The following CHRM3 variants were observed in gnomAD, a reference collection of about 807,000 sequenced individuals.
The protein encoded by CHRM3 is muscarinic acetylcholine receptor M3.
In CHRM3, 11 loss-of-function variants were observed where a neutral mutation model predicts 41.8. The observed-to-expected ratio is 0.26, with a 90% CI of 0.17 to 0.44. CHRM3 has a LOEUF of 0.44. CHRM3 is among the 20% of genes least tolerant of loss of function. CHRM3 has a pLI of 1.00. For missense variants in CHRM3, 571 were observed against 745.4 expected (o/e 0.77, Z 2.72); for synonymous variants, 297 against 301.4 (o/e 0.99, Z 0.15).
At chr1:239,403,700 T>C (rs1660171121) in intron 1 of CHRM3, among the ~76,000 whole-genome samples, 1 of 151,970 alleles carries the variant, frequency 6.6e-6, no homozygotes, top group Non-Finnish European at 1.5e-5. Flanking sequence ...TGAAGGTTTT[T>C]GTAACCACTT....
In CHRM3 at chr1:239,861,001, G is replaced by T. The variant is rs115757637; in HGVS notation, c.-20+33623G>T. ...TAAAAAAATTAAAGACCAAAGAAAT[G>T]TAATCTCCAATACCTTACAAGTCAC... On this transcript the variant is annotated intron_variant, in intron 6 of 6. Coordinates refer to ENST00000676153, the MANE Select transcript of CHRM3 (RefSeq NM_001375978.1). Among the ~76,000 whole-genome samples, 736 of 152,222 alleles carry T rather than the reference G, an allele frequency of 4.8e-3. 6 individuals carry two copies. Among genetic ancestry groups the T allele is most frequent in the African/African-American group, 0.017 (693 of 41,530 alleles).
chr1:239,864,050 T>C (rs1675861876), intron 6 of CHRM3, among the ~76,000 whole-genome samples: 1 of 151,208 alleles, frequency 6.6e-6, no homozygotes, highest in South Asian at 2.1e-4. Flanking sequence ...GAAAAGTATT[T>C]GATAAAATTC....
chr1:239,800,744 C>A (rs1197563909), intron 5 of CHRM3, among the ~76,000 whole-genome samples: 1 of 152,164 alleles, frequency 6.6e-6, no homozygotes, highest in Non-Finnish European at 1.5e-5. Context: ...GTGAGATGAT[C>A]ATAGTTCATT....
In CHRM3 at chr1:239,664,197, C is replaced by A. The variant is rs377114199; in HGVS notation, c.-249-13989C>A. ...CTTTGCCTACAAATATTTACATAGTCCTTTTGAGCATAAAGCGTTATCTTC... is the reference window on the plus strand; with the variant it reads ...CTTTGCCTACAAATATTTACATAGTACTTTTGAGCATAAAGCGTTATCTTC... On this transcript the variant is annotated intron_variant, in intron 4 of 6. Coordinates refer to ENST00000676153, the MANE Select transcript of CHRM3 (RefSeq NM_001375978.1). Among the ~76,000 whole-genome samples, 11 of 152,272 alleles carry A rather than the reference C, an allele frequency of 7.2e-5. 1 individual carries two copies. The South Asian group carries it at 2.3e-3, about 32-fold the overall frequency.
At chr1:239,440,440 TAGTA>T (rs1311418320) in intron 1 of CHRM3, among the ~76,000 whole-genome samples, 1 of 152,124 alleles carries the variant, frequency 6.6e-6, no homozygotes, top group Non-Finnish European at 1.5e-5. Context: ...TTGGGCAACT[TAGTA>T]AGACCCTGCT....
At chr1:239,561,110 A>G (rs1375040717) in intron 3 of CHRM3, among the ~76,000 whole-genome samples, 1 of 152,126 alleles carries the variant, frequency 6.6e-6, no homozygotes, top group Non-Finnish European at 1.5e-5. Flanking sequence ...GGACCAGTGT[A>G]GGTAGTAACC....
Position 239,891,562 on chromosome 1 carries a change from A to C in CHRM3, c.-19-15871A>C, listed in dbSNP as rs891937610. Among the ~76,000 whole-genome samples the C allele has an allele frequency of 7.9e-5, 12 of 152,188 alleles. 1 individual carries two copies. The highest frequency in any genetic ancestry group is 2.0e-4 in the Admixed American group (3 of 15,282). On this transcript the variant is annotated intron_variant, in intron 6 of 6. Transcript: ENST00000676153. ...GAATTTTGCTGAGTAGGGTGGCCTA[A>C]TATACATATTTAATAAGCTATGGGA...
intron 1 of CHRM3, among the ~76,000 whole-genome samples, chr1:239,472,969 A>C (rs1666226709): frequency 6.6e-6 from 1 of 152,220 alleles, no homozygotes; most frequent in Non-Finnish European, 1.5e-5. Context: ...TAACAAAGAA[A>C]GATCAGTAAT....
intron 1 of CHRM3, among the ~76,000 whole-genome samples, chr1:239,391,665 A>T (rs1429867040): frequency 6.6e-6 from 1 of 152,194 alleles, no homozygotes; most frequent in African/African-American, 2.4e-5. Flanking sequence ...AGGGTCCAGT[A>T]GTGATGACAG....
intron 2 of CHRM3, among the ~76,000 whole-genome samples, chr1:239,509,293 A>T (rs1215210796): frequency 2.0e-5 from 3 of 152,144 alleles, no homozygotes; most frequent in Admixed American, 6.5e-5. Context: ...TGTTTTTTTT[A>T]AACTAGTGAG....
At chr1:239,753,950 G>A (rs113559266) in intron 5 of CHRM3, among the ~76,000 whole-genome samples, 5,291 of 152,154 alleles carry the variant, frequency 0.035, 288 homozygotes, top group African/African-American at 0.12. Context: ...GCTCATTTCC[G>A]TTTGATTGTA....
intron 6 of CHRM3, among the ~76,000 whole-genome samples, chr1:239,836,441 AC>A (rs1673325496): frequency 1.3e-5 from 2 of 151,142 alleles, no homozygotes; most frequent in African/African-American, 4.9e-5. Context: ...AATATAAGAA[AC>A]TCTGTGATTA....
chr1:239,657,944 ATTG>A lies in CHRM3; in HGVS notation c.-249-20237_-249-20235del, dbSNP rs1672860593. Among the ~76,000 whole-genome samples, 10 of 152,144 alleles carry A rather than the reference ATTG, an allele frequency of 6.6e-5. No individual in the cohort carries two copies. In the South Asian group the frequency reaches 2.1e-3, roughly 32 times the overall value. On this transcript the variant is annotated intron_variant, in intron 4 of 6. Coordinates refer to ENST00000676153, the MANE Select transcript of CHRM3 (RefSeq NM_001375978.1). ...TAATTTGTTTTACTCTGACAGCTAC[ATTG>A]TTGTAGGATTTCTGAAAAAAAAAGT...
intron 4 of CHRM3, among the ~76,000 whole-genome samples, chr1:239,673,657 CTT>C (rs537700962): frequency 2.6e-5 from 4 of 151,746 alleles, no homozygotes; most frequent in Admixed American, 2.6e-4. Context: ...CAACTAATTT[CTT>C]TTTTTTCTGA....
chr1:239,458,516 G>C (rs1480460783), intron 1 of CHRM3, among the ~76,000 whole-genome samples: 2 of 152,100 alleles, frequency 1.3e-5, no homozygotes. Flanking sequence ...TTAGTACTAA[G>C]CTGATAAATT....
rs143077916 is a variant in CHRM3, at chr1:239,404,468, AAAAG to A, written c.-521+17254_-521+17257del. On this transcript the variant is annotated intron_variant, in intron 1 of 6. Transcript: ENST00000676153. Reference sequence around the variant, plus strand: ...AAAGAAAGAAAGAAAGAAAGAAAGAAAAAGAAAGAAAGAAAGGAACATTTATTTT... The same window carrying A: ...AAAGAAAGAAAGAAAGAAAGAAAGAAAAAGAAAGAAAGGAACATTTATTTT... 2.7e-3 allele frequency among the ~76,000 whole-genome samples: 245 copies of A among 90,352 alleles called. 2 individuals carry two copies. The highest frequency in any genetic ancestry group is 8.1e-3 in the African/African-American group (234 of 29,002). 59.3% of individuals were successfully genotyped at this position (90,352 alleles called of 152,430 possible).
chr1:239,460,723 T>C (rs1665295121), intron 1 of CHRM3, among the ~76,000 whole-genome samples: 1 of 152,174 alleles, frequency 6.6e-6, no homozygotes, highest in African/African-American at 2.4e-5. Flanking sequence ...AAGCTAACAA[T>C]GAGTTAACAC....
intron 6 of CHRM3, among the ~76,000 whole-genome samples, chr1:239,891,860 T>C (rs1453938337): frequency 1.3e-5 from 2 of 152,116 alleles, no homozygotes; most frequent in Admixed American, 6.5e-5. Flanking sequence ...AGAGTGGAGT[T>C]TGAAAGGGCT....
chr1:239,735,985 C>T (rs1447211241), intron 5 of CHRM3, among the ~76,000 whole-genome samples: 1 of 152,072 alleles, frequency 6.6e-6, no homozygotes, highest in Non-Finnish European at 1.5e-5. Context: ...TGATCCCCAA[C>T]TTCAATGCCT....
Sources: gnomAD v4.1 joint callset for allele counts (sites outside exome capture counted in the v4.1 genomes callset) on GRCh38, gnomAD v4.1.1 for gene constraint, MANE v1.5 for transcripts, NCBI Gene and HGNC (gene_info 2026-07-23, HGNC 2026-07-21) for gene names.